Variants in ESRRG observed in about 807,000 individuals in gnomAD.
The protein encoded by ESRRG is estrogen-related receptor gamma.
Under a neutral mutation model 44.0 loss-of-function variants are expected in ESRRG, and 13 were observed. That is an observed-to-expected ratio of 0.30 (90% confidence interval 0.19 to 0.47). The LOEUF (loss-of-function observed/expected upper bound fraction) is 0.47. ESRRG is among the 20% of genes least tolerant of loss of function. The pLI is 1.00. For missense variants in ESRRG, 395 were observed against 580.6 expected, an observed-to-expected ratio of 0.68 and a Z score of 3.29; for synonymous variants, 215 against 214.6, an observed-to-expected ratio of 1.00 and a Z score of -0.02.
chr1:216,507,159 T>G lies in ESRRG; in HGVS notation c.1157A>C (p.Glu386Ala), dbSNP rs765374487. 3.8e-5 allele frequency: 61 copies of G among 1,612,164 alleles called. No homozygotes were observed. The highest frequency in any genetic ancestry group is 2.5e-4 in the Admixed American group (15 of 59,902). ...NSDSMHIEDV[E>A]AVQKLQDVLH... is the part of the protein sequence containing the mutation. ...GACATCCTGAAGCTTCTGAACGGCTTCAACATCTTCTATGTGCATGGAGTC... is the reference window on the plus strand; with the variant it reads ...GACATCCTGAAGCTTCTGAACGGCTGCAACATCTTCTATGTGCATGGAGTC... The change falls in exon 7 of 7, where the codon GAA becomes GCA. Residue 386 changes from glutamate (E) to alanine (A), a missense_variant. Physicochemically the swap from Glu to Ala is moderately radical, Grantham distance 107 (BLOSUM62 -1). Transcript: ENST00000408911.
intron 2 of ESRRG, among the ~76,000 whole-genome samples, chr1:216,673,817 C>T (rs2075629988): frequency 6.6e-6 from 1 of 152,190 alleles, no homozygotes; most frequent in Admixed American, 6.5e-5. Context: ...TTGTTACTTC[C>T]TCAAGGCAGG....
intron 1 of ESRRG, among the ~76,000 whole-genome samples, chr1:216,953,647 G>T (rs909695200): frequency 6.6e-6 from 1 of 151,894 alleles, no homozygotes; most frequent in Admixed American, 6.6e-5. Flanking sequence ...TACTTCACAT[G>T]TACTTCTGAC....
At chr1:217,064,189 G>T (rs11117764) in intron 1 of ESRRG, among the ~76,000 whole-genome samples, 58,744 of 125,106 alleles carry the variant, frequency 0.47, 11,959 homozygotes, top group East Asian at 0.73. Flanking sequence ...TATGTATATA[G>T]GTATATATTG....
At chr1:216,931,617 C>A (rs561563818) in intron 2 of ESRRG, among the ~76,000 whole-genome samples, 1 of 152,226 alleles carries the variant, frequency 6.6e-6, no homozygotes, top group Non-Finnish European at 1.5e-5. Flanking sequence ...AGGTGCCCTC[C>A]TCAGGGTTCT....
chr1:216,679,824 C>A (rs780574083), intron 1 of ESRRG, among the ~76,000 whole-genome samples: 1 of 151,878 alleles, frequency 6.6e-6, no homozygotes, highest in African/African-American at 2.4e-5. Flanking sequence ...AGAACAAGGC[C>A]AGAAATTGCC....
chr1:216,601,105 AGCAAGGCCG>A (rs2059166828), intron 3 of ESRRG, among the ~76,000 whole-genome samples: 1 of 152,092 alleles, frequency 6.6e-6, no homozygotes, highest in African/African-American at 2.4e-5. Flanking sequence ...CGGGTTGGGG[AGCAAGGCCG>A]GCTTGGAACG....
At chr1:216,932,002 A>G (rs1205181976) in intron 2 of ESRRG, among the ~76,000 whole-genome samples, 1 of 152,072 alleles carries the variant, frequency 6.6e-6, no homozygotes, top group East Asian at 1.9e-4. Flanking sequence ...TCAGGAGTTC[A>G]AGACCAGCCT....
At chr1:216,797,483 C>T (rs1350933321) in intron 2 of ESRRG, among the ~76,000 whole-genome samples, 7 of 152,124 alleles carry the variant, frequency 4.6e-5, no homozygotes, top group African/African-American at 4.8e-5. Context: ...GTATACCCAT[C>T]CCTCCAGATC....
chr1:217,047,906 A>T (rs1019868287), intron 1 of ESRRG, among the ~76,000 whole-genome samples: 2 of 152,210 alleles, frequency 1.3e-5, no homozygotes, highest in Non-Finnish European at 2.9e-5. Flanking sequence ...ACTAGAGAAA[A>T]GAAGTAGCCC....
intron 1 of ESRRG, among the ~76,000 whole-genome samples, chr1:216,953,437 T>C (rs1221178241): frequency 1.3e-5 from 2 of 152,182 alleles, no homozygotes; most frequent in East Asian, 3.9e-4. Flanking sequence ...ACAGGCTTTT[T>C]TTCCCATCAT....
intron 1 of ESRRG, among the ~76,000 whole-genome samples, chr1:217,087,901 C>T (rs897046177): frequency 3.9e-5 from 6 of 152,288 alleles, no homozygotes; most frequent in African/African-American, 1.2e-4. Flanking sequence ...CACTTCGTCT[C>T]CATCAGTGTT....
intron 5 of ESRRG, among the ~76,000 whole-genome samples, chr1:216,538,731 T>C (rs2051764104): frequency 6.6e-6 from 1 of 152,082 alleles, no homozygotes; most frequent in Non-Finnish European, 1.5e-5. Flanking sequence ...TAGGTTTACA[T>C]CTAGAGCAAG....
intron 1 of ESRRG, 116 bp from the exon 2 acceptor site, chr1:216,677,607 T>G (rs1386001760): frequency 1.0e-5 from 9 of 894,212 alleles, no homozygotes; most frequent in Admixed American, 2.9e-5. Flanking sequence ...AAGGGAAAGG[T>G]AAAAGGAGGA....
At chr1:216,601,230 G>C (rs1358978221) in intron 3 of ESRRG, among the ~76,000 whole-genome samples, 1 of 152,018 alleles carries the variant, frequency 6.6e-6, no homozygotes, top group African/African-American at 2.4e-5. Flanking sequence ...AGGACGCCCC[G>C]TGAAGGACAC....
intron 1 of ESRRG, among the ~76,000 whole-genome samples, chr1:217,079,830 G>A (rs565332145): frequency 1.3e-5 from 2 of 152,126 alleles, no homozygotes; most frequent in Admixed American, 1.3e-4. Context: ...ATTAAGACAT[G>A]GTCTCTACCC....
At chr1:216,600,417 A>G (rs1346895287) in intron 3 of ESRRG, among the ~76,000 whole-genome samples, 1 of 152,142 alleles carries the variant, frequency 6.6e-6, no homozygotes, top group Non-Finnish European at 1.5e-5. Flanking sequence ...AAATGTTGAT[A>G]ATGAGGGAGG....
chr1:216,568,393 G>A (rs562093849), intron 3 of ESRRG, among the ~76,000 whole-genome samples: 13 of 152,306 alleles, frequency 8.5e-5, no homozygotes, highest in South Asian at 4.1e-4. Context: ...CAAAGAAGCC[G>A]CTATTTGGTG....
At chr1:216,518,778 G>T (rs2045172285) in intron 6 of ESRRG, among the ~76,000 whole-genome samples, 1 of 152,058 alleles carries the variant, frequency 6.6e-6, no homozygotes, top group South Asian at 2.1e-4. Context: ...ATTTTTGAGG[G>T]AAAAATGGTT....
chr1:216,546,903 C>A (rs2054679655), intron 5 of ESRRG, among the ~76,000 whole-genome samples: 1 of 151,494 alleles, frequency 6.6e-6, no homozygotes, highest in Admixed American at 6.6e-5. Context: ...TTTGCTGCAC[C>A]CGTCAAACCA....
Sources: gnomAD v4.1 joint callset for allele counts (sites outside exome capture counted in the v4.1 genomes callset) on GRCh38, gnomAD v4.1.1 for gene constraint, MANE v1.5 for transcripts, NCBI Gene and HGNC (gene_info 2026-07-23, HGNC 2026-07-21) for gene names.